The following CARMIL1 variants were observed in gnomAD, a reference collection of about 807,000 sequenced individuals.
CARMIL1 encodes the protein F-actin-uncapping protein LRRC16A.
In CARMIL1, 90 loss-of-function variants were observed where a neutral mutation model predicts 177.1. The ratio of observed to expected loss-of-function variants is 0.51; its 90% confidence interval spans 0.43 to 0.61. The LOEUF is 0.61. CARMIL1 is among the 20% of genes least tolerant of loss of function. The pLI, the probability that CARMIL1 is intolerant of heterozygous loss-of-function variation, is 0.00. For synonymous variants in CARMIL1, 577 were observed against 606.2 expected, an observed-to-expected ratio of 0.95 and a Z score of 0.71; for missense variants, 1,380 against 1,667.0, an observed-to-expected ratio of 0.83 and a Z score of 3.00.
chr6:25,454,035 A>G (rs1265222693), intron 8 of CARMIL1, among the ~76,000 whole-genome samples: 1 of 152,232 alleles, frequency 6.6e-6, no homozygotes, highest in Non-Finnish European at 1.5e-5. Context: ...AACTATATTT[A>G]AATAAGCCAC....
At chr6:25,594,741 A>C (rs1814654546) in intron 32 of CARMIL1, among the ~76,000 whole-genome samples, 1 of 152,168 alleles carries the variant, frequency 6.6e-6, no homozygotes, top group Non-Finnish European at 1.5e-5. Flanking sequence ...GACCTACTGA[A>C]TCAAAAGCTC....
chr6:25,465,865 G>C lies in CARMIL1; in HGVS notation c.615-8G>C, dbSNP rs1800554652. ...CACTTTCATGTACTTTGTTGTTTCTGCTTCCAGGGACCTAATACCTATCAT... is the reference window on the plus strand; with the variant it reads ...CACTTTCATGTACTTTGTTGTTTCTCCTTCCAGGGACCTAATACCTATCAT... On this transcript the variant is annotated splice_region_variant and splice_polypyrimidine_tract_variant and intron_variant, in intron 8 of 36. Transcript: ENST00000329474. The C allele has an allele frequency of 6.3e-7, 1 of 1,596,570 alleles. No individual in the cohort carries two copies.
At chr6:25,513,952 C>G (rs1157437963) in intron 20 of CARMIL1, among the ~76,000 whole-genome samples, 2 of 152,170 alleles carry the variant, frequency 1.3e-5, no homozygotes, top group African/African-American at 4.8e-5. Flanking sequence ...ACATTTAGAG[C>G]TACATTGGTT....
chr6:25,499,303 G>A (rs889644700), intron 16 of CARMIL1, among the ~76,000 whole-genome samples: 1 of 152,188 alleles, frequency 6.6e-6, no homozygotes, highest in Non-Finnish European at 1.5e-5. Flanking sequence ...TTGTGTTGGA[G>A]TTATTGGCAC....
intron 2 of CARMIL1, among the ~76,000 whole-genome samples, chr6:25,404,451 G>T (rs1189360434): frequency 1.3e-5 from 2 of 152,174 alleles, no homozygotes; most frequent in African/African-American, 4.8e-5. Context: ...GGGAGGGGAG[G>T]TGATGAGCTT....
intron 33 of CARMIL1, among the ~76,000 whole-genome samples, chr6:25,603,839 A>G (rs1815663190): frequency 6.6e-6 from 1 of 151,854 alleles, no homozygotes; most frequent in Non-Finnish European, 1.5e-5. Context: ...TAAACTTTCT[A>G]CTCCTACCCC....
At chr6:25,478,313 C>T (rs35330592) in intron 11 of CARMIL1, among the ~76,000 whole-genome samples, 23,445 of 152,018 alleles carry the variant, frequency 0.15, 2,188 homozygotes, top group South Asian at 0.25. Flanking sequence ...AGAGTCGAAA[C>T]ACATGGGTTT....
At chr6:25,357,534 A>T (rs939818594) in intron 2 of CARMIL1, among the ~76,000 whole-genome samples, 1 of 152,222 alleles carries the variant, frequency 6.6e-6, no homozygotes, top group Non-Finnish European at 1.5e-5. Flanking sequence ...CAGTGAACCA[A>T]GATTGTGCCA....
chr6:25,282,951 G>A (rs992364435), intron 1 of CARMIL1, among the ~76,000 whole-genome samples: 31 of 152,260 alleles, frequency 2.0e-4, no homozygotes, highest in Non-Finnish European at 4.3e-4. Context: ...GTACTCCTAT[G>A]TACATTTATT....
rs1805911491 is a variant in CARMIL1 at position 25,515,642 on chromosome 6, A to C, written c.1633-33A>C. 6.4e-7 allele frequency: 1 copy of C among 1,565,798 alleles called. No homozygotes were observed. Among genetic ancestry groups the C allele is most frequent in the Admixed American group, 1.9e-5 (1 of 53,616 alleles). On this transcript the variant is annotated intron_variant, in intron 20 of 36. Transcript: ENST00000329474. This position sits in a 1 kb window ranked among gnomAD's most constrained non-coding sequence, Gnocchi z 5.0. ...GGAGAGTGGGTGCTGCTTTGATGAG[A>C]CTGCTGAGTGCCGTGTGTCATTTGC... is the stretch of plus-strand genomic sequence containing the variant.
At chr6:25,587,382 C>T (rs1372429040) in intron 31 of CARMIL1, among the ~76,000 whole-genome samples, 1 of 152,100 alleles carries the variant, frequency 6.6e-6, no homozygotes, top group Non-Finnish European at 1.5e-5. Flanking sequence ...CTCTTCCACT[C>T]CCTGGCAGTG....
chr6:25,458,513 T>C (rs1369590677), intron 8 of CARMIL1, among the ~76,000 whole-genome samples: 1 of 146,486 alleles, frequency 6.8e-6, no homozygotes, highest in Non-Finnish European at 1.5e-5. Flanking sequence ...AAAAAAGCTT[T>C]AAAATCAGAA....
At chr6:25,494,976 CATTT>C (rs1296666542) in intron 15 of CARMIL1, 131 bp from the exon 16 acceptor site, 1 of 582,140 alleles carries the variant, frequency 1.7e-6, no homozygotes, top group Non-Finnish European at 3.0e-6. Context: ...AGGTTTTGGA[CATTT>C]ATTTGTTTCC....
intron 2 of CARMIL1, among the ~76,000 whole-genome samples, chr6:25,346,327 TTTTGCATTTGTTCTTCCC>T (rs1787510982): frequency 6.6e-6 from 1 of 152,166 alleles, no homozygotes; most frequent in South Asian, 2.1e-4. Flanking sequence ...CCTCAGAGCT[TTTTGCATTTGTTCTTCCC>T]TCTGCCTGGA....
chr6:25,471,299 T>G lies in CARMIL1; in HGVS notation c.779+42T>G, dbSNP rs1801078029. 4.3e-6 allele frequency: 6 copies of G among 1,405,114 alleles called. No homozygotes were observed. In the East Asian group the frequency reaches 1.4e-4, roughly 32 times the overall value. 87.0% of individuals were successfully genotyped at this position (1,405,114 alleles called of 1,614,324 possible). On this transcript the variant is annotated intron_variant, in intron 10 of 36. Transcript: ENST00000329474. ...ATATATAAATATGTTGCTTTAAAACTCTGTGCCATTTGCTCTTCTAATTAA... is the reference window on the plus strand; with the variant it reads ...ATATATAAATATGTTGCTTTAAAACGCTGTGCCATTTGCTCTTCTAATTAA...
At chr6:25,292,644 G>A (rs1436849721) in intron 2 of CARMIL1, among the ~76,000 whole-genome samples, 1 of 152,142 alleles carries the variant, frequency 6.6e-6, no homozygotes, top group Non-Finnish European at 1.5e-5. Flanking sequence ...CTGTAGTTAG[G>A]ATAGGCGAGT....
Position 25,509,141 on chromosome 6 carries a change from C to T in CARMIL1, c.1396-515C>T, listed in dbSNP as rs943747650. Among the ~76,000 whole-genome samples the T allele has an allele frequency of 6.6e-6, 1 of 152,070 alleles. No individual in the cohort carries two copies. The highest frequency in any genetic ancestry group is 1.5e-5 in the Non-Finnish European group (1 of 68,024). On this transcript the variant is annotated intron_variant, in intron 17 of 36. Coordinates refer to ENST00000329474, the MANE Select transcript of CARMIL1 (RefSeq NM_017640.6). This position sits in a 1 kb window ranked among gnomAD's most constrained non-coding sequence, Gnocchi z 4.1. ...TCATCTTTAGTTAGCTAATATCTGC[C>T]TTATGAGTGAGAACTCACACTCATG...
At chr6:25,500,106 A>ATTTT in intron 16 of CARMIL1, 60 bp from the exon 17 acceptor site, 1 of 1,478,094 alleles carries the variant, frequency 6.8e-7, no homozygotes, top group Admixed American at 1.7e-5. Context: ...GTGTGCTTGC[A>ATTTT]TTTTTTCTTT....
Position 25,461,092 on chromosome 6 carries a change from G to GA in CARMIL1, c.615-4775dup, listed in dbSNP as rs575210056. On this transcript the variant is annotated intron_variant, in intron 8 of 36. Transcript: ENST00000329474. Reference sequence around the variant, plus strand: ...TGCATTACATCTCTAAATCAATTTGGAAAAAACTACTATTTTGCATTGGCC... The same window carrying GA: ...TGCATTACATCTCTAAATCAATTTGGAAAAAAACTACTATTTTGCATTGGCC... Among the ~76,000 whole-genome samples the GA allele has an allele frequency of 1.0e-3, 154 of 152,110 alleles. 2 individuals are homozygous for GA. Among genetic ancestry groups the GA allele is most frequent in the African/African-American group, 3.6e-3 (148 of 41,478 alleles).
Sources: allele counts gnomAD v4.1 joint callset (sites outside exome capture counted in the v4.1 genomes callset), GRCh38; gene constraint gnomAD v4.1.1; non-coding constraint Gnocchi (gnomAD v3.1); transcripts MANE v1.5; gene names NCBI Gene and HGNC (gene_info 2026-07-23, HGNC 2026-07-21).